Variants in KIAA1217 observed in about 807,000 individuals in gnomAD.
The protein encoded by KIAA1217 is KIAA1217.
KIAA1217 carries 88 observed loss-of-function variants against 163.9 expected under a neutral mutation model. The observed-to-expected ratio is 0.54, with a 90% CI of 0.45 to 0.64. KIAA1217 has a LOEUF of 0.64. KIAA1217 is among the 30% of genes least tolerant of loss of function. The probability of loss-of-function intolerance (pLI) is 0.00; values close to 1 mark genes in which losing one functional copy is unlikely to be tolerated. For synonymous variants in KIAA1217, 903 were observed against 923.1 expected (o/e 0.98, Z 0.39); for missense variants, 2,372 against 2,475.0 (o/e 0.96, Z 0.88).
At chr10:24,102,661 C>G (rs775594459) in intron 2 of KIAA1217, among the ~76,000 whole-genome samples, 7 of 152,196 alleles carry the variant, frequency 4.6e-5, no homozygotes, top group Non-Finnish European at 7.3e-5. Flanking sequence ...CAACAGTAAT[C>G]AAGATAATGT....
intron 5 of KIAA1217, among the ~76,000 whole-genome samples, chr10:24,462,524 G>A (rs982921448): frequency 6.6e-6 from 1 of 152,182 alleles, no homozygotes; most frequent in African/African-American, 2.4e-5. Context: ...GAGGAAGCTG[G>A]GGTTCTTGCT....
intron 3 of KIAA1217, among the ~76,000 whole-genome samples, chr10:24,414,017 T>C (rs2131379206): frequency 6.6e-6 from 1 of 152,322 alleles, no homozygotes; most frequent in African/African-American, 2.4e-5. Flanking sequence ...CAAAAAATAT[T>C]TCTAGAGTAA....
In KIAA1217 at chr10:23,854,096, T is replaced by C. The variant is rs1381442562; in HGVS notation, c.-320-153129T>C. Among the ~76,000 whole-genome samples the C allele has an allele frequency of 5.9e-5, 9 of 152,280 alleles. No homozygotes were observed. The East Asian group carries it at 1.7e-3, about 29-fold the overall frequency. On this transcript the variant is annotated intron_variant, in intron 1 of 18. Coordinates refer to the KIAA1217 transcript ENST00000376462. ...GCTCTTGCTTTTCTAGTTCTTTTAA[T>C]TGTGATGTTAGGGTGTCAATTTTGG...
intron 2 of KIAA1217, among the ~76,000 whole-genome samples, chr10:24,130,125 A>G (rs951638783): frequency 1.3e-5 from 2 of 152,166 alleles, no homozygotes; most frequent in African/African-American, 4.8e-5. Flanking sequence ...GTTATAACTC[A>G]ACCTTTCAAT....
intron 3 of KIAA1217, among the ~76,000 whole-genome samples, chr10:24,382,808 T>A (rs1044334577): frequency 1.3e-5 from 2 of 151,400 alleles, no homozygotes; most frequent in African/African-American, 2.4e-5. Context: ...GCTGGGGCTT[T>A]CTGTGTGGAT....
chr10:23,720,190 A>C (rs186184926), intron 1 of KIAA1217, among the ~76,000 whole-genome samples: 30 of 152,006 alleles, frequency 2.0e-4, no homozygotes, highest in Non-Finnish European at 2.6e-4. Context: ...CGTGGTTTCC[A>C]CCTCAATAAA....
intron 2 of KIAA1217, among the ~76,000 whole-genome samples, chr10:24,143,364 T>A (rs1050389914): frequency 8.5e-5 from 13 of 152,126 alleles, no homozygotes; most frequent in African/African-American, 3.1e-4. Context: ...CCTCCCAGGT[T>A]CAAGCGATTC....
At chr10:23,976,519 C>T (rs1488502802) in intron 1 of KIAA1217, among the ~76,000 whole-genome samples, 1 of 152,172 alleles carries the variant, frequency 6.6e-6, no homozygotes, top group African/African-American at 2.4e-5. Context: ...GACTCAGGCT[C>T]ACATAATATT....
chr10:23,761,612 A>G (rs1834262368), intron 1 of KIAA1217, among the ~76,000 whole-genome samples: 1 of 152,180 alleles, frequency 6.6e-6, no homozygotes, highest in Non-Finnish European at 1.5e-5. Flanking sequence ...CTGTGATCTT[A>G]GAGAGGCTGT....
At chr10:24,113,003 C>T (rs1451291507) in intron 2 of KIAA1217, among the ~76,000 whole-genome samples, 4 of 152,112 alleles carry the variant, frequency 2.6e-5, no homozygotes, top group Admixed American at 6.5e-5. Context: ...CCCCCAGAAG[C>T]AAGAGAGGAG....
intron 1 of KIAA1217, among the ~76,000 whole-genome samples, chr10:23,964,613 T>C (rs1844976485): frequency 6.6e-6 from 1 of 152,040 alleles, no homozygotes; most frequent in South Asian, 2.1e-4. Flanking sequence ...TGGAGTTCAG[T>C]GGCACCATCT....
At chr10:24,465,666 C>A (rs2062863976) in intron 5 of KIAA1217, among the ~76,000 whole-genome samples, 1 of 152,206 alleles carries the variant, frequency 6.6e-6, no homozygotes, top group Non-Finnish European at 1.5e-5. Context: ...GAGATGCTTC[C>A]TTTCTCCCCC....
intron 1 of KIAA1217, among the ~76,000 whole-genome samples, chr10:23,770,104 C>T (rs937713689): frequency 1.3e-5 from 2 of 152,172 alleles, no homozygotes; most frequent in Non-Finnish European, 2.9e-5. Context: ...AGTTTTGATT[C>T]TAGGAAGACT....
intron 2 of KIAA1217, among the ~76,000 whole-genome samples, chr10:24,264,536 G>A (rs889962696): frequency 6.6e-6 from 1 of 152,124 alleles, no homozygotes; most frequent in Admixed American, 6.6e-5. Context: ...AAACAGAGGT[G>A]CACAGAACAT....
intron 2 of KIAA1217, among the ~76,000 whole-genome samples, chr10:24,309,469 G>T (rs1171217059): frequency 1.3e-5 from 2 of 152,110 alleles, no homozygotes; most frequent in African/African-American, 4.8e-5. Flanking sequence ...GTAAAGACCT[G>T]CAATGAAGTG....
chr10:24,074,299 A>G (rs2061292233), intron 2 of KIAA1217, among the ~76,000 whole-genome samples: 1 of 152,150 alleles, frequency 6.6e-6, no homozygotes, highest in African/African-American at 2.4e-5. Context: ...CAGTGAGCTG[A>G]GATCGTGTCA....
chr10:24,389,404 G>T (rs1203527166), intron 3 of KIAA1217, among the ~76,000 whole-genome samples: 1 of 152,060 alleles, frequency 6.6e-6, no homozygotes, highest in African/African-American at 2.4e-5. Flanking sequence ...CCTGTGGTGG[G>T]GTGGGGGAAT....
intron 1 of KIAA1217, among the ~76,000 whole-genome samples, chr10:23,990,374 A>G (rs1319649868): frequency 2.6e-5 from 4 of 152,072 alleles, no homozygotes; most frequent in African/African-American, 4.8e-5. Flanking sequence ...TCTTTTCATG[A>G]AGGCCTCAAA....
chr10:24,340,553 A>C (rs905271184), intron 2 of KIAA1217, among the ~76,000 whole-genome samples: 1 of 152,062 alleles, frequency 6.6e-6, no homozygotes, highest in Admixed American at 6.6e-5. Context: ...AAAACAAACT[A>C]ATACAGCCGG....
Sources: allele counts gnomAD v4.1 joint callset (sites outside exome capture counted in the v4.1 genomes callset), GRCh38; gene constraint gnomAD v4.1.1; transcripts MANE v1.5; gene names NCBI Gene and HGNC (gene_info 2026-07-23, HGNC 2026-07-21).